The following BMPER variants were observed in gnomAD, a reference collection of about 807,000 sequenced individuals.
BMPER encodes BMP binding endothelial regulator.
Under a neutral mutation model 87.3 loss-of-function variants are expected in BMPER, and 45 were observed. The ratio of observed to expected loss-of-function variants is 0.52; its 90% CI spans 0.41 to 0.66. BMPER has a LOEUF of 0.66. Among genes scored for constraint, BMPER ranks in the 30% least tolerant of loss-of-function variants. The pLI, the probability that BMPER is intolerant of heterozygous loss-of-function variation, is 0.00. For synonymous variants in BMPER, 326 were observed against 316.2 expected, an observed-to-expected ratio of 1.03 and a Z score of -0.33; for missense variants, 784 against 867.5, an observed-to-expected ratio of 0.90 and a Z score of 1.21.
intron 6 of BMPER, among the ~76,000 whole-genome samples, chr7:34,035,213 A>G (rs1324673066): frequency 6.6e-6 from 1 of 152,198 alleles, no homozygotes; most frequent in East Asian, 1.9e-4. Context: ...CGGAGTGTTT[A>G]CTATAGAACT....
At chr7:34,077,317 G>T (rs1398996805) in intron 11 of BMPER, among the ~76,000 whole-genome samples, 1 of 152,152 alleles carries the variant, frequency 6.6e-6, no homozygotes, top group African/African-American at 2.4e-5. Context: ...TGGGAAAAGG[G>T]TGAAATGTGA....
At chr7:34,125,193 C>T (rs901611777) in intron 13 of BMPER, among the ~76,000 whole-genome samples, 5 of 152,102 alleles carry the variant, frequency 3.3e-5, no homozygotes, top group Non-Finnish European at 1.5e-5. Flanking sequence ...CTACTTACGC[C>T]ATATAAAATT....
intron 6 of BMPER, among the ~76,000 whole-genome samples, chr7:33,995,661 T>G (rs1786387955): frequency 6.6e-6 from 1 of 152,170 alleles, no homozygotes; most frequent in African/African-American, 2.4e-5. Context: ...CCCCTGCTGT[T>G]TTTGGCAGCG....
At chr7:33,973,989 C>A (rs1446066524) in intron 5 of BMPER, among the ~76,000 whole-genome samples, 1 of 152,112 alleles carries the variant, frequency 6.6e-6, no homozygotes, top group African/African-American at 2.4e-5. Context: ...TTGGAGGGGG[C>A]CACAGTCCCT....
Position 34,085,805 on chromosome 7 carries a change from G to A in BMPER, c.1458G>A (p.Ala486=), listed in dbSNP as rs376501765. The A allele has an allele frequency of 2.1e-5, 34 of 1,614,036 alleles. No individual in the cohort carries two copies. The highest frequency in any genetic ancestry group is 1.1e-4 in the South Asian group (10 of 91,082). The change falls in exon 13 of 15, where the codon GCG becomes GCA. Residue 486 remains alanine (A), a synonymous_variant. Transcript: ENST00000649409. ...DGDSFVEVMA[A]PHLKGKLCGL... ...ACAGTTTTGTAGAAGTCATGGCTGCGCCGCATCTCAAGGGCAAGCTCTGTG... is the reference window on the plus strand; with the variant it reads ...ACAGTTTTGTAGAAGTCATGGCTGCACCGCATCTCAAGGGCAAGCTCTGTG...
At chr7:33,980,681 A>G (rs972085028) in intron 6 of BMPER, among the ~76,000 whole-genome samples, 3 of 152,222 alleles carry the variant, frequency 2.0e-5, no homozygotes, top group Admixed American at 1.3e-4. Context: ...ACAGAGTGGT[A>G]GGATGCTTTT....
intron 13 of BMPER, among the ~76,000 whole-genome samples, chr7:34,103,240 G>A (rs1012693561): frequency 6.6e-6 from 1 of 152,128 alleles, no homozygotes; most frequent in Non-Finnish European, 1.5e-5. Flanking sequence ...TAGAGAGAAT[G>A]AGCTGTGCCC....
chr7:33,963,608 A>C (rs1785326647), intron 3 of BMPER, among the ~76,000 whole-genome samples: 1 of 152,110 alleles, frequency 6.6e-6, no homozygotes, highest in South Asian at 2.1e-4. Context: ...AGCCTGGCCA[A>C]CATGGTGAAA....
chr7:33,947,099 C>T (rs1376146504), intron 3 of BMPER, among the ~76,000 whole-genome samples: 1 of 152,144 alleles, frequency 6.6e-6, no homozygotes, highest in East Asian at 1.9e-4. Context: ...AATAGCCTAA[C>T]AACTGGGCAG....
chr7:33,960,522 C>T (rs1231431811), intron 3 of BMPER, among the ~76,000 whole-genome samples: 3 of 152,170 alleles, frequency 2.0e-5, no homozygotes, highest in African/African-American at 7.2e-5. Flanking sequence ...TGCTCTGTTT[C>T]CTTGTGCCAT....
At chr7:34,053,512 G>A (rs1216203940) in intron 8 of BMPER, among the ~76,000 whole-genome samples, 2 of 152,144 alleles carry the variant, frequency 1.3e-5, no homozygotes, top group African/African-American at 4.8e-5. Context: ...ATAGCCTACT[G>A]TTGACTGAAA....
At chr7:33,908,642 A>T (rs910026206) in intron 2 of BMPER, among the ~76,000 whole-genome samples, 1 of 152,212 alleles carries the variant, frequency 6.6e-6, no homozygotes, top group East Asian at 1.9e-4. Context: ...TCAGAAGGGC[A>T]GTAGGTTTAT....
intron 6 of BMPER, among the ~76,000 whole-genome samples, chr7:33,990,522 C>T (rs1464611666): frequency 2.0e-5 from 3 of 149,262 alleles, no homozygotes; most frequent in Non-Finnish European, 3.0e-5. Flanking sequence ...TGGGCTGAGA[C>T]AATGGGGTTT....
chr7:34,070,990 C>T (rs1055685493), intron 11 of BMPER, among the ~76,000 whole-genome samples: 6 of 152,096 alleles, frequency 3.9e-5, no homozygotes, highest in South Asian at 2.1e-4. Flanking sequence ...TCTTGTATCT[C>T]CCGAAGCAGC....
At chr7:33,992,469 G>A (rs1280045752) in intron 6 of BMPER, among the ~76,000 whole-genome samples, 1 of 145,256 alleles carries the variant, frequency 6.9e-6, no homozygotes, top group Admixed American at 6.9e-5. Flanking sequence ...CCATTGGCTT[G>A]GTAGATCTTC....
At position 34,043,844 on chromosome 7, in the gene BMPER, G is replaced by A. The variant is rs115802372; in HGVS notation, c.577-2462G>A. Among the ~76,000 whole-genome samples, 843 of 152,304 alleles carry A rather than the reference G, an allele frequency of 5.5e-3. 5 individuals are homozygous for A. Among genetic ancestry groups the A allele is most frequent in the African/African-American group, 0.019 (790 of 41,560 alleles). ...GAGAAGCCAATCAGAAAGCTACTGC[G>A]ATCATCTGATAGTACATTTACAGTA... On this transcript the variant is annotated intron_variant, in intron 6 of 14. Coordinates refer to ENST00000649409, the MANE Select transcript of BMPER (RefSeq NM_001365308.1).
chr7:34,060,873 A>G (rs139233478), intron 10 of BMPER, among the ~76,000 whole-genome samples: 41 of 152,376 alleles, frequency 2.7e-4, no homozygotes, highest in African/African-American at 9.6e-4. Context: ...AGTCTAGTGT[A>G]TAGCAGATAA....
Position 34,154,175 on chromosome 7 carries a change from T to G in BMPER, c.*902T>G, listed in dbSNP as rs1050434685. On this transcript the variant is annotated 3_prime_UTR_variant, in exon 15 of 15. Transcript: ENST00000649409. ...ATGAGTTGATGTAACCCATCTACAT[T>G]TTGTGGCTATTTCATGTATAAAATG... 1 of 152,666 alleles carries G rather than the reference T, an allele frequency of 6.6e-6. No individual in the cohort carries two copies. The highest frequency in any genetic ancestry group is 1.5e-5 in the Non-Finnish European group (1 of 68,042). 9.5% of individuals were successfully genotyped at this position (152,666 alleles called of 1,614,324 possible).
At chr7:34,086,242 C>G (rs1789206775) in intron 13 of BMPER, 150 bp downstream of exon 13, 2 of 896,276 alleles carry the variant, frequency 2.2e-6, no homozygotes, top group Non-Finnish European at 3.5e-6. Flanking sequence ...CTGATCTCAT[C>G]TTGAGTCAGC....
Sources: allele counts gnomAD v4.1 joint callset (sites outside exome capture counted in the v4.1 genomes callset), GRCh38; gene constraint gnomAD v4.1.1; transcripts MANE v1.5; gene names NCBI Gene and HGNC (gene_info 2026-07-23, HGNC 2026-07-21).